The following AGFG1 variants were observed in gnomAD, a reference collection of about 807,000 sequenced individuals.
AGFG1 encodes the protein ArfGAP with FG repeats 1.
A neutral mutation model predicts 60.6 loss-of-function variants in AGFG1; 10 were observed. The observed-to-expected ratio is 0.16, with a 90% CI of 0.10 to 0.28. AGFG1 has a LOEUF of 0.28. AGFG1 is among the 10% of genes least tolerant of loss of function. The probability of loss-of-function intolerance (pLI) is 1.00; values close to 1 mark genes in which losing one functional copy is unlikely to be tolerated. For synonymous variants in AGFG1, 247 were observed against 242.9 expected (o/e 1.02, Z -0.16); for missense variants, 537 against 676.5 (o/e 0.79, Z 2.29).
At chr2:227,488,757 G>C (rs1690711767) in intron 1 of AGFG1, among the ~76,000 whole-genome samples, 1 of 152,176 alleles carries the variant, frequency 6.6e-6, no homozygotes, top group Non-Finnish European at 1.5e-5. Flanking sequence ...GAAACAAAGT[G>C]TTGTGCCCTA....
chr2:227,552,993 T>A, intron 11 of AGFG1, among the ~76,000 whole-genome samples: 1 of 82,822 alleles, frequency 1.2e-5, no homozygotes, highest in Non-Finnish European at 2.1e-5. Flanking sequence ...AGAGTGAAAT[T>A]CCATCTCAAA....
At chr2:227,524,417 A>G (rs1400764351) in intron 4 of AGFG1, among the ~76,000 whole-genome samples, 1 of 152,196 alleles carries the variant, frequency 6.6e-6, no homozygotes, top group African/African-American at 2.4e-5. Context: ...ACAAAATGGA[A>G]TATTTTCATA....
chr2:227,526,539 CTTTTTTTTTTT>C (rs777649930), intron 5 of AGFG1, among the ~76,000 whole-genome samples: 1 of 92,488 alleles, frequency 1.1e-5, no homozygotes, highest in Non-Finnish European at 2.1e-5. Context: ...TGCCCAGCCT[CTTTTTTTTTTT>C]TTTTTTTTTT....
intron 5 of AGFG1, among the ~76,000 whole-genome samples, chr2:227,526,289 G>C (rs1235961100): frequency 6.6e-6 from 1 of 152,162 alleles, no homozygotes; most frequent in South Asian, 2.1e-4. Context: ...CGCCACCTGG[G>C]TTTAAGCTAT....
intron 1 of AGFG1, among the ~76,000 whole-genome samples, chr2:227,486,191 CTTCTTGTGTATAA>C (rs1455454584): frequency 2.6e-5 from 4 of 152,166 alleles, no homozygotes; most frequent in Non-Finnish European, 5.9e-5. Context: ...AACAACATTG[CTTCTTGTGTATAA>C]CATGGGACAC....
At chr2:227,542,834 T>TA (rs2106233382) in intron 10 of AGFG1, among the ~76,000 whole-genome samples, 1 of 152,304 alleles carries the variant, frequency 6.6e-6, no homozygotes, top group South Asian at 2.1e-4. Context: ...TTTCAGAGCC[T>TA]GTTATTGGTC....
At chr2:227,534,815 T>A in intron 7 of AGFG1, 30 bp from the exon 8 acceptor site, 1 of 1,602,122 alleles carries the variant, frequency 6.2e-7, no homozygotes, top group African/African-American at 1.3e-5. Context: ...CTTTAAATTT[T>A]TGGTGTAACT....
Position 227,524,791 on chromosome 2 carries a change from G to A in AGFG1, c.570G>A (p.Gln190=). 6.2e-7 allele frequency: 1 copy of A among 1,614,136 alleles called. No homozygotes were observed. The highest frequency in any genetic ancestry group is 8.5e-7 in the Non-Finnish European group (1 of 1,179,984). The change falls in exon 5 of 13, where the codon CAG becomes CAA. Residue 190 remains glutamine (Q), a synonymous_variant. Transcript: ENST00000310078. The stretch of plus-strand genomic sequence containing the variant: ...CAGTTGTAGGTCGTTCTCAAGGGCA[G>A]CAGCAGGAGAAGAAGCAATTTGACC... The part of the protein sequence containing the change: ...QSPVVGRSQG[Q]QQEKKQFDLL...
At chr2:227,499,237 T>C (rs1447459865) in intron 2 of AGFG1, among the ~76,000 whole-genome samples, 1 of 152,282 alleles carries the variant, frequency 6.6e-6, no homozygotes, top group East Asian at 1.9e-4. Context: ...TTCATCAGTA[T>C]CTTACTTTTC....
At chr2:227,507,623 AAAAG>A (rs1559178319) in intron 2 of AGFG1, among the ~76,000 whole-genome samples, 1 of 150,442 alleles carries the variant, frequency 6.6e-6, no homozygotes, top group African/African-American at 2.4e-5. Flanking sequence ...AAAAAAAAAA[AAAAG>A]CGCCTTTTCA....
intron 2 of AGFG1, among the ~76,000 whole-genome samples, chr2:227,499,506 G>A (rs970280515): frequency 1.3e-5 from 2 of 152,054 alleles, no homozygotes; most frequent in Admixed American, 1.3e-4. Flanking sequence ...TGGGCGTGGT[G>A]GCGTGTGCCT....
At position 227,524,989 on chromosome 2, in the gene AGFG1, C is replaced by G. The variant is rs1691948439; in HGVS notation, c.694+74C>G. The G allele has an allele frequency of 3.3e-6, 5 of 1,531,966 alleles. No homozygotes were observed. The East Asian group carries it at 1.1e-4, about 35-fold the overall frequency. 94.9% of individuals were successfully genotyped at this position (1,531,966 alleles called of 1,614,324 possible). On this transcript the variant is annotated intron_variant, in intron 5 of 12. Coordinates refer to ENST00000310078, the MANE Select transcript of AGFG1 (RefSeq NM_004504.5). ...CAAGAAACATCAATTCTTTATCACA[C>G]TTTGAGGATCAGTAAACATTTTTTG...
At chr2:227,502,370 G>GA (rs765472801) in intron 2 of AGFG1, among the ~76,000 whole-genome samples, 19 of 152,074 alleles carry the variant, frequency 1.2e-4, no homozygotes, top group Non-Finnish European at 1.8e-4. Context: ...GCCCAGACTG[G>GA]AGTACAGTGA....
intron 2 of AGFG1, among the ~76,000 whole-genome samples, chr2:227,502,984 G>T (rs1312456672): frequency 6.6e-6 from 1 of 152,136 alleles, no homozygotes; most frequent in African/African-American, 2.4e-5. Flanking sequence ...TGTAATCCTA[G>T]CACTTTGGGA....
intron 2 of AGFG1, chr2:227,510,812 G>A (rs1003713655): frequency 2.0e-5 from 3 of 152,154 alleles, no homozygotes; most frequent in South Asian, 2.1e-4. Context: ...AGTCCTTATG[G>A]TAGATGTCTG....
chr2:227,507,641 AT>A (rs1054921328), intron 2 of AGFG1, among the ~76,000 whole-genome samples: 10 of 148,136 alleles, frequency 6.8e-5, no homozygotes, highest in African/African-American at 2.2e-4. Flanking sequence ...CTTTTCACTA[AT>A]TTTTTTTGTT....
chr2:227,523,437 G>A (rs1386876378), intron 3 of AGFG1, among the ~76,000 whole-genome samples: 1 of 151,898 alleles, frequency 6.6e-6, no homozygotes, highest in Non-Finnish European at 1.5e-5. Flanking sequence ...ACTATTCATG[G>A]TGATGACTAA....
chr2:227,515,226 A>G (rs1419749063), intron 2 of AGFG1, among the ~76,000 whole-genome samples: 1 of 151,986 alleles, frequency 6.6e-6, no homozygotes, highest in Non-Finnish European at 1.5e-5. Context: ...CAGCCCCCTC[A>G]TTCATTTTAG....
Position 227,552,013 on chromosome 2 carries a change from C to G in AGFG1, c.1433C>G (p.Ala478Gly), listed in dbSNP as rs1204164327. The change falls in exon 11 of 13, where the codon GCT becomes GGT. Residue 478 changes from alanine to glycine, a missense_variant. This residue lies in a region of AGFG1 where 287 missense variants were observed against 343.6 expected (regional missense o/e 0.84). Transcript: ENST00000310078. The stretch of plus-strand genomic sequence containing the variant: ...ATGCCCACAGGATTCGGCACTCCTG[C>G]TCCCTACAGTCTTCCCACCAGCTTT... The part of the protein sequence containing the change: ...MSMPTGFGTP[A>G]PYSLPTSFSG... 1 of 1,614,206 alleles carries G rather than the reference C, an allele frequency of 6.2e-7. No individual in the cohort carries two copies.
Sources: gnomAD v4.1 joint callset for allele counts (sites outside exome capture counted in the v4.1 genomes callset) on GRCh38, gnomAD v4.1.1 for gene constraint, gnomAD v4.1.1 regional missense constraint, MANE v1.5 for transcripts, NCBI Gene and HGNC (gene_info 2026-07-23, HGNC 2026-07-21) for gene names.